Variants in RGL3 observed in about 807,000 individuals in gnomAD.
RGL3 encodes the protein ral guanine nucleotide dissociation stimulator-like 3.
In RGL3, 85 loss-of-function variants were observed where a neutral mutation model predicts 90.6. The ratio of observed to expected loss-of-function variants is 0.94; its 90% CI spans 0.79 to 1.12. The LOEUF (loss-of-function observed/expected upper bound fraction) is 1.12, where lower values mean the gene tolerates loss of function less well. RGL3 is among the 50% of genes most tolerant of loss of function. The pLI is 0.00. For missense variants in RGL3, 1,034 were observed against 939.2 expected (o/e 1.10, Z -1.32); for synonymous variants, 408 against 385.5 (o/e 1.06, Z -0.68).
chr19:11,414,176 T>TACAC (rs1242647402), intron 5 of RGL3, among the ~76,000 whole-genome samples: 2 of 75,016 alleles, frequency 2.7e-5, no homozygotes, highest in African/African-American at 5.3e-5. Context: ...TATATATATA[T>TACAC]ACACCTATAT....
intron 5 of RGL3, among the ~76,000 whole-genome samples, chr19:11,415,019 A>G (rs1387004577): frequency 6.6e-6 from 1 of 151,940 alleles, no homozygotes; most frequent in African/African-American, 2.4e-5. Flanking sequence ...GGTCCCAGCT[A>G]CTCAGGAGGC....
chr19:11,414,237 ATATATATACCTT>A, intron 5 of RGL3, among the ~76,000 whole-genome samples: 1 of 89,374 alleles, frequency 1.1e-5, no homozygotes, highest in Non-Finnish European at 2.1e-5. Flanking sequence ...ACCTTTATAT[ATATATATACCTT>A]TATATATATA....
rs764009048 is a variant in RGL3 at position 11,397,275 on chromosome 19, A to G, written c.1983T>C (p.Tyr661=). 1 of 1,613,998 alleles carries G rather than the reference A, an allele frequency of 6.2e-7. No homozygotes were observed. Among genetic ancestry groups the G allele is most frequent in the East Asian group, 2.2e-5 (1 of 44,872 alleles). The change falls in exon 18 of 19, where the codon TAT becomes TAC. Residue 661 remains tyrosine, a synonymous_variant. Coordinates refer to ENST00000380456, the MANE Select transcript of RGL3 (RefSeq NM_001035223.4). ...CCCCAGGAAGGACTTGAAAGAGCTG[A>G]TAGTCACAGGCCCAGGGCTGGGGCA... is the stretch of plus-strand genomic sequence containing the variant. ...HNVPQPWACD[Y]QLFQVLPGDR... is the part of the protein sequence containing the mutation.
intron 5 of RGL3, among the ~76,000 whole-genome samples, chr19:11,413,744 T>G (rs1419509060): frequency 2.0e-5 from 3 of 148,426 alleles, no homozygotes; most frequent in African/African-American, 7.4e-5. Context: ...ATAATTTTGT[T>G]TTTTGGTTTT....
At chr19:11,407,031 G>A in intron 5 of RGL3, 167 bp from the exon 6 acceptor site, 2 of 625,944 alleles carry the variant, frequency 3.2e-6, no homozygotes, top group Non-Finnish European at 5.3e-6. Context: ...TGTTGCCCAA[G>A]CTGGAGTACA....
At chr19:11,395,755 G>A (rs1050845355) in intron 18 of RGL3, among the ~76,000 whole-genome samples, 2 of 151,884 alleles carry the variant, frequency 1.3e-5, no homozygotes, top group African/African-American at 4.8e-5. Flanking sequence ...AGCCTCCTGA[G>A]TAGCTGGGAC....
At chr19:11,418,554 C>T (rs1969043606) in intron 2 of RGL3, 117 bp downstream of exon 2, 1 of 796,844 alleles carries the variant, frequency 1.3e-6, no homozygotes, top group South Asian at 1.8e-5. Context: ...ATCTGGTCGC[C>T]TCCGAGCCCC....
At chr19:11,395,948 G>A (rs1193870071) in intron 18 of RGL3, among the ~76,000 whole-genome samples, 1 of 138,728 alleles carries the variant, frequency 7.2e-6, no homozygotes, top group Non-Finnish European at 1.6e-5. Flanking sequence ...TTTTAATTGA[G>A]ACAGGGTCTT....
Position 11,416,946 on chromosome 19 carries a change from C to T in RGL3, c.261G>A (p.Glu87=). The change falls in exon 3 of 19, where the codon GAG becomes GAA. Residue 87 remains glutamate, a synonymous_variant. Transcript: ENST00000380456. The stretch of plus-strand genomic sequence containing the variant: ...AGGCGGGCATGAAGCTGGGGTCCTG[C>T]TCACGGTCTCCAAACACCAACTCTC... ...LVGELVFGDR[E]QDPSFMPAFL... 6.2e-7 allele frequency: 1 copy of T among 1,614,082 alleles called. No homozygotes were observed. The highest frequency in any genetic ancestry group is 8.5e-7 in the Non-Finnish European group (1 of 1,180,010).
At chr19:11,397,020 A>G (rs379130) in intron 18 of RGL3, among the ~76,000 whole-genome samples, 34,013 of 151,786 alleles carry the variant, frequency 0.22, 7,177 homozygotes, top group African/African-American at 0.56. Flanking sequence ...GACCTTTGGT[A>G]CCTCTCTCTC....
At chr19:11,395,282 G>A (rs1426847688) in intron 18 of RGL3, among the ~76,000 whole-genome samples, 2 of 151,264 alleles carry the variant, frequency 1.3e-5, no homozygotes, top group Admixed American at 6.6e-5. Flanking sequence ...CAGCCTGCAC[G>A]AGCTTGTGGC....
intron 5 of RGL3, among the ~76,000 whole-genome samples, chr19:11,414,208 T>TAC: frequency 9.5e-6 from 1 of 104,886 alleles, no homozygotes; most frequent in Non-Finnish European, 1.8e-5. Context: ...TATATATATA[T>TAC]ATACCTTTAT....
In RGL3 at chr19:11,416,530, A is replaced by G. The variant is rs540524805; in HGVS notation, c.425+84T>C. On this transcript the variant is annotated intron_variant, in intron 4 of 18. Transcript: ENST00000380456. ...CCAGTCTCTTATTACCCAACCTGCAATTTTCAAAACCCCAGTCCGACTGCT... is the reference window on the plus strand; with the variant it reads ...CCAGTCTCTTATTACCCAACCTGCAGTTTTCAAAACCCCAGTCCGACTGCT... 117 of 1,382,296 alleles carry G rather than the reference A, an allele frequency of 8.5e-5. No individual in the cohort carries two copies. The East Asian group carries it at 2.7e-3, about 31-fold the overall frequency. 85.6% of individuals were successfully genotyped at this position (1,382,296 alleles called of 1,614,324 possible). A position where few individuals can be genotyped will look rare whatever the true frequency, so the allele number is the denominator to read the frequency against.
Position 11,402,091 on chromosome 19 carries a change from G to T in RGL3, c.1404C>A (p.Arg468=), listed in dbSNP as rs1290034600. The stretch of plus-strand genomic sequence containing the variant: ...GGGGGCTCAGGGTGTAGCTCTGACA[G>T]CGCCTCTGCAGCTGCTGGATGCGGG... ...ILARIQQLQR[R]CQSYTLSPHP... The change falls in exon 13 of 19, where the codon CGC becomes CGA. Residue 468 remains arginine, a synonymous_variant. Coordinates refer to ENST00000380456, the MANE Select transcript of RGL3 (RefSeq NM_001035223.4). 1.9e-6 allele frequency: 3 copies of T among 1,596,066 alleles called. No homozygotes were observed. Among genetic ancestry groups the T allele is most frequent in the Non-Finnish European group, 2.6e-6 (3 of 1,171,392 alleles).
At chr19:11,411,947 G>A (rs1304933621) in intron 5 of RGL3, among the ~76,000 whole-genome samples, 1 of 151,822 alleles carries the variant, frequency 6.6e-6, no homozygotes, top group East Asian at 1.9e-4. Flanking sequence ...AAATATTTCT[G>A]ATTTTTTTTT....
In RGL3 at chr19:11,414,134, CATATATATATATATATATATATAT is replaced by C. The variant is rs56098998; in HGVS notation, c.637+1779_637+1802del. On this transcript the variant is annotated intron_variant, in intron 5 of 18. Coordinates refer to ENST00000380456, the MANE Select transcript of RGL3 (RefSeq NM_001035223.4). ...ATGACTTGGAATCAGCTGGAGAAAT[CATATATATATATATATATATATAT>C]ATATATATATATATATATACACCTA... is the stretch of plus-strand genomic sequence containing the variant. 3.7e-3 allele frequency among the ~76,000 whole-genome samples: 114 copies of C among 30,430 alleles called. 1 individual carries two copies. The highest frequency in any genetic ancestry group is 0.031 in the Middle Eastern group (1 of 32). The allele number at this position is 30,430 out of a possible 152,430, so 20.0% of individuals were successfully genotyped here. A position where few individuals can be genotyped will look rare whatever the true frequency, so the allele number is the denominator to read the frequency against.
At chr19:11,410,323 A>G (rs1968851907) in intron 5 of RGL3, among the ~76,000 whole-genome samples, 2 of 151,812 alleles carry the variant, frequency 1.3e-5, no homozygotes, top group South Asian at 4.2e-4. Context: ...TTTTAAAATA[A>G]TCTTTGTAAA....
chr19:11,407,492 T>C (rs1279696498), intron 5 of RGL3, among the ~76,000 whole-genome samples: 2 of 152,054 alleles, frequency 1.3e-5, no homozygotes, highest in African/African-American at 4.8e-5. Context: ...AGCCGGGTAC[T>C]CAAAGGCCAG....
At chr19:11,402,412 G>T (rs756127170) in intron 11 of RGL3, 43 bp downstream of exon 11, 3 of 1,578,320 alleles carry the variant, frequency 1.9e-6, no homozygotes, top group Non-Finnish European at 1.7e-6. Context: ...TGTGCTGGGG[G>T]CAAGTGGAGC....
Sources: allele counts gnomAD v4.1 joint callset (sites outside exome capture counted in the v4.1 genomes callset), GRCh38; gene constraint gnomAD v4.1.1; transcripts MANE v1.5; gene names NCBI Gene and HGNC (gene_info 2026-07-23, HGNC 2026-07-21).